PRR16: variants seen among roughly 807,000 people sequenced by gnomAD.
PRR16 encodes protein Largen.
PRR16 carries 6 observed loss-of-function variants against 18.2 expected under a neutral mutation model. The ratio of observed to expected loss-of-function variants is 0.33; its 90% CI spans 0.18 to 0.65. The LOEUF is 0.65. Ranked by LOEUF, PRR16 falls within the 30% of genes least tolerant of loss-of-function variation. PRR16 has a pLI of 0.74. For synonymous variants in PRR16, 151 were observed against 147.8 expected, an observed-to-expected ratio of 1.02 and a Z score of -0.16; for missense variants, 412 against 376.6, an observed-to-expected ratio of 1.09 and a Z score of -0.78.
At chr5:120,492,377 T>G (rs1750089081) in intron 1 of PRR16, among the ~76,000 whole-genome samples, 1 of 151,858 alleles carries the variant, frequency 6.6e-6, no homozygotes, top group Non-Finnish European at 1.5e-5. Context: ...CACCTTAGCC[T>G]TCCAAAATGC....
chr5:120,716,153 C>G, the PRR16 span, among the ~76,000 whole-genome samples: 2 of 152,252 alleles, frequency 1.3e-5, no homozygotes, highest in South Asian at 2.1e-4. Flanking sequence ...CACATCTTTG[C>G]TACAGTTACT....
At chr5:120,486,188 T>C (rs1749793409) in intron 1 of PRR16, among the ~76,000 whole-genome samples, 1 of 152,320 alleles carries the variant, frequency 6.6e-6, no homozygotes, top group Admixed American at 6.5e-5. Flanking sequence ...CTGGGTCAAA[T>C]GGTAGTTCTA....
At chr5:120,543,176 G>A (rs138355595) in intron 1 of PRR16, among the ~76,000 whole-genome samples, 3 of 152,168 alleles carry the variant, frequency 2.0e-5, no homozygotes, top group East Asian at 3.9e-4. Context: ...TTAAGAAAAC[G>A]GTTGAGCTTT....
chr5:120,651,308 G>C (rs980453278), intron 1 of PRR16, among the ~76,000 whole-genome samples: 1 of 152,106 alleles, frequency 6.6e-6, no homozygotes, highest in Admixed American at 6.6e-5. Context: ...AGTTTCTTTT[G>C]CTGTGCAGAA....
chr5:120,650,572 T>C (rs1472536199), intron 1 of PRR16, among the ~76,000 whole-genome samples: 1 of 148,688 alleles, frequency 6.7e-6, no homozygotes, highest in African/African-American at 2.5e-5. Flanking sequence ...AGTGAGAACA[T>C]GTGTTGTTTG....
intron 1 of PRR16, among the ~76,000 whole-genome samples, chr5:120,573,798 A>G (rs1752978836): frequency 6.6e-6 from 1 of 152,174 alleles, no homozygotes; most frequent in Non-Finnish European, 1.5e-5. Flanking sequence ...AATTGAATAT[A>G]TAGAATTGAC....
intron 1 of PRR16, among the ~76,000 whole-genome samples, chr5:120,611,859 A>T (rs1004505022): frequency 2.0e-5 from 3 of 152,138 alleles, no homozygotes; most frequent in African/African-American, 7.2e-5. Context: ...AGACCCCAGA[A>T]TGGTAGCTCT....
chr5:120,648,798 C>T (rs1002814287), intron 1 of PRR16, among the ~76,000 whole-genome samples: 4 of 152,136 alleles, frequency 2.6e-5, no homozygotes, highest in East Asian at 1.9e-4. Flanking sequence ...AGTATTTGCC[C>T]GTTCTTACAG....
At chr5:120,544,796 C>G (rs1752024918) in intron 1 of PRR16, among the ~76,000 whole-genome samples, 1 of 151,942 alleles carries the variant, frequency 6.6e-6, no homozygotes, top group South Asian at 2.1e-4. Flanking sequence ...TTCCAAAATA[C>G]TGGGATTACA....
chr5:120,609,006 C>G (rs1013860398), intron 1 of PRR16, among the ~76,000 whole-genome samples: 1 of 152,038 alleles, frequency 6.6e-6, no homozygotes, highest in Non-Finnish European at 1.5e-5. Flanking sequence ...TCTTCGTATT[C>G]AAAAGAGAGC....
At chr5:120,648,805 A>G (rs1755682611) in intron 1 of PRR16, among the ~76,000 whole-genome samples, 1 of 152,144 alleles carries the variant, frequency 6.6e-6, no homozygotes, top group Non-Finnish European at 1.5e-5. Flanking sequence ...GCCCGTTCTT[A>G]CAGTGTCAGT....
chr5:120,685,433 A>G (rs1757089606), intron 1 of PRR16, among the ~76,000 whole-genome samples: 1 of 152,152 alleles, frequency 6.6e-6, no homozygotes, highest in Non-Finnish European at 1.5e-5. Flanking sequence ...TAAAGGTTGA[A>G]CAGTTGATGT....
chr5:120,587,808 G>A (rs1053331666), intron 1 of PRR16, among the ~76,000 whole-genome samples: 1 of 152,156 alleles, frequency 6.6e-6, no homozygotes, highest in Non-Finnish European at 1.5e-5. Context: ...TGACTTTAAA[G>A]TCTTATCATT....
the PRR16 span, among the ~76,000 whole-genome samples, chr5:120,737,776 T>A: frequency 3.3e-5 from 5 of 152,058 alleles, no homozygotes; most frequent in Non-Finnish European, 7.4e-5. Context: ...TATTTTAGAT[T>A]GCTGATTCAA....
chr5:120,644,121 G>C (rs1308672810), intron 1 of PRR16, among the ~76,000 whole-genome samples: 2 of 152,054 alleles, frequency 1.3e-5, no homozygotes, highest in African/African-American at 4.8e-5. Flanking sequence ...AGCTGTGTGA[G>C]TATTCAGGCT....
the PRR16 span, among the ~76,000 whole-genome samples, chr5:120,699,078 G>A: frequency 7.0e-3 from 1,066 of 152,146 alleles, 5 homozygotes; most frequent in Middle Eastern, 0.014. Context: ...TCCCTGACTC[G>A]GGACATGTTG....
At chr5:120,615,662 A>G (rs1754487420) in intron 1 of PRR16, among the ~76,000 whole-genome samples, 2 of 152,088 alleles carry the variant, frequency 1.3e-5, no homozygotes, top group African/African-American at 2.4e-5. Context: ...TTAATACTGT[A>G]TGATAATTAA....
At chr5:120,502,686 T>G (rs908464301) in intron 1 of PRR16, among the ~76,000 whole-genome samples, 4 of 152,168 alleles carry the variant, frequency 2.6e-5, no homozygotes, top group African/African-American at 9.7e-5. Context: ...TTGGAGACAA[T>G]TTTCTTTTTA....
intron 1 of PRR16, among the ~76,000 whole-genome samples, chr5:120,486,588 C>G (rs191436963): frequency 1.6e-3 from 246 of 152,232 alleles, no homozygotes; most frequent in Non-Finnish European, 3.0e-3. Flanking sequence ...TTCTCCCATT[C>G]TGTAGGTTGC....
Sources: allele counts gnomAD v4.1 joint callset (sites outside exome capture counted in the v4.1 genomes callset), GRCh38; gene constraint gnomAD v4.1.1; transcripts MANE v1.5; gene names NCBI Gene and HGNC (gene_info 2026-07-23, HGNC 2026-07-21).